The following ABCC11 variants were observed in gnomAD, a reference collection of about 807,000 sequenced individuals.
The protein encoded by ABCC11 is ATP binding cassette subfamily C member 11, also known as ATP-binding cassette sub-family C member 11.
Under a neutral mutation model 149.3 loss-of-function variants are expected in ABCC11, and 135 were observed. The ratio of observed to expected loss-of-function variants is 0.90; its 90% CI spans 0.79 to 1.04. The LOEUF (loss-of-function observed/expected upper bound fraction) is 1.04, where lower values mean the gene tolerates loss of function less well. ABCC11 is among the 50% of genes least tolerant of loss of function. ABCC11 has a pLI of 0.00. For missense variants in ABCC11, 1,680 were observed against 1,722.1 expected (o/e 0.98, Z 0.43); for synonymous variants, 665 against 671.4 (o/e 0.99, Z 0.15).
At position 48,166,541 on chromosome 16, in the gene ABCC11, T is replaced by C. The variant is rs1463855854; in HGVS notation, c.*733A>G. ...TTTTTCCAAAGTTAGTTTGAGGGAG[T>C]CTCTGTTCCTTGCAACTGAATAAGT... is the stretch of plus-strand genomic sequence containing the variant. On this transcript the variant is annotated 3_prime_UTR_variant, in exon 30 of 30. Coordinates refer to ENST00000356608, the MANE Select transcript of ABCC11 (RefSeq NM_001370497.1). 1.3e-5 allele frequency among the ~76,000 whole-genome samples: 2 copies of C among 151,480 alleles called. No individual in the cohort carries two copies. The highest frequency in any genetic ancestry group is 2.9e-5 in the Non-Finnish European group (2 of 67,904).
At chr16:48,237,994 G>GT (rs1245412241) in intron 1 of ABCC11, among the ~76,000 whole-genome samples, 1 of 152,110 alleles carries the variant, frequency 6.6e-6, no homozygotes. Flanking sequence ...CTTATTGTTT[G>GT]TTTTTCCCAC....
rs1735143469 is a variant in ABCC11, at chr16:48,167,219, A to G, written c.*55T>C. On this transcript the variant is annotated 3_prime_UTR_variant, in exon 30 of 30. Transcript: ENST00000356608. ...CGCAGACTGTGGGCCTCGAAGCTGC[A>G]CCTGTGTGAACCTCTGAGCTCAGCT... 3.9e-6 allele frequency: 3 copies of G among 762,474 alleles called. No individual in the cohort carries two copies. Among genetic ancestry groups the G allele is most frequent in the East Asian group, 2.5e-5 (1 of 39,802 alleles). The allele number at this position is 762,474 out of a possible 1,614,324, so 47.2% of individuals were successfully genotyped here.
At chr16:48,178,713 T>A (rs911351589) in intron 23 of ABCC11, 27 bp from the exon 24 acceptor site, 7 of 1,605,342 alleles carry the variant, frequency 4.4e-6, no homozygotes, top group African/African-American at 2.7e-5. Context: ...GTATCGGGGG[T>A]CAAGAGGCTG....
At chr16:48,237,265 C>T (rs966214546) in intron 1 of ABCC11, among the ~76,000 whole-genome samples, 1 of 152,164 alleles carries the variant, frequency 6.6e-6, no homozygotes, top group African/African-American at 2.4e-5. Flanking sequence ...AGGTAGGGCA[C>T]ATTGTACATA....
chr16:48,224,378 A>C lies in ABCC11; in HGVS notation c.447T>G (p.Ala149=), dbSNP rs773399232. ...EEVSRRGIEK[A]SVLLVMLRFQ... ...ACCTCAGCATCACCAGAAGCACTGA[A>C]GCTTTTTCAATCCCTCGCCTTGAGA... Residue 149 remains alanine (A), a synonymous_variant, in exon 5 of 30, where the codon GCT becomes GCG. Coordinates refer to ENST00000356608, the MANE Select transcript of ABCC11 (RefSeq NM_001370497.1). 1 of 1,614,192 alleles carries C rather than the reference A, an allele frequency of 6.2e-7. No homozygotes were observed. Among genetic ancestry groups the C allele is most frequent in the Non-Finnish European group, 8.5e-7 (1 of 1,180,032 alleles).
At chr16:48,202,133 C>T (rs748784754) in intron 14 of ABCC11, among the ~76,000 whole-genome samples, 10 of 152,156 alleles carry the variant, frequency 6.6e-5, no homozygotes, top group Admixed American at 1.3e-4. Flanking sequence ...AACACTTACT[C>T]TAGGCCGGGC....
chr16:48,212,541 A>C (rs1417900332), intron 10 of ABCC11, among the ~76,000 whole-genome samples: 1 of 152,218 alleles, frequency 6.6e-6, no homozygotes, highest in African/African-American at 2.4e-5. Context: ...CAGGTTGGAC[A>C]AGCTTGCTCT....
At chr16:48,241,177 C>T (rs546491585) in intron 1 of ABCC11, among the ~76,000 whole-genome samples, 1 of 152,332 alleles carries the variant, frequency 6.6e-6, no homozygotes, top group South Asian at 2.1e-4. Context: ...CTCAGATGAT[C>T]CACCCATCTC....
chr16:48,244,453 T>C, intron 1 of ABCC11: 1 of 1,595,738 alleles, frequency 6.3e-7, no homozygotes, highest in South Asian at 1.1e-5. Flanking sequence ...CACGAGGGCG[T>C]CCTGCTGCCC....
chr16:48,241,526 C>T (rs1970968673), intron 1 of ABCC11, among the ~76,000 whole-genome samples: 1 of 152,102 alleles, frequency 6.6e-6, no homozygotes, highest in Admixed American at 6.5e-5. Context: ...ACTTTCTTCA[C>T]AGAATTGGAA....
chr16:48,166,882 G>T lies in ABCC11; in HGVS notation c.*392C>A, dbSNP rs993645363. On this transcript the variant is annotated 3_prime_UTR_variant, in exon 30 of 30. Coordinates refer to ENST00000356608, the MANE Select transcript of ABCC11 (RefSeq NM_001370497.1). The stretch of plus-strand genomic sequence containing the variant: ...CCTGTCTAAAAAAACAAAAAGAAAA[G>T]AAACGAAAGGAAGCAGAACAAAGAA... 1 of 167,406 alleles carries T rather than the reference G, an allele frequency of 6.0e-6. No individual in the cohort carries two copies. Among genetic ancestry groups the T allele is most frequent in the Admixed American group, 5.9e-5 (1 of 16,918 alleles). 10.4% of individuals were successfully genotyped at this position (167,406 alleles called of 1,614,324 possible).
At chr16:48,243,931 G>A (rs887911186) in intron 1 of ABCC11, among the ~76,000 whole-genome samples, 2 of 152,160 alleles carry the variant, frequency 1.3e-5, no homozygotes, top group Non-Finnish European at 1.5e-5. Context: ...GGCAGAGGCT[G>A]CAAGCCGTGG....
chr16:48,184,368 G>A (rs1966625089), intron 23 of ABCC11, 72 bp downstream of exon 23: 15 of 1,536,826 alleles, frequency 9.8e-6, no homozygotes, highest in Admixed American at 1.8e-5. Flanking sequence ...AGGACCCCCT[G>A]AGTCTGCCCA....
intron 29 of ABCC11, 52 bp downstream of exon 29, chr16:48,167,444 G>A (rs1965403568): frequency 1.2e-6 from 2 of 1,611,120 alleles, no homozygotes; most frequent in Non-Finnish European, 1.7e-6. Flanking sequence ...AGGCATCTGG[G>A]GTAGCAGCCT....
At position 48,178,607 on chromosome 16, in the gene ABCC11, T is replaced by C. The variant is rs1176614708; in HGVS notation, c.3338A>G (p.Gln1113Arg). Residue 1113 changes from glutamine to arginine, a missense_variant, in exon 24 of 30, where the codon CAG (glutamine) becomes CGG (arginine). Physicochemically the swap from Gln to Arg is conservative, Grantham distance 43. Coordinates refer to ENST00000356608, the MANE Select transcript of ABCC11 (RefSeq NM_001370497.1). ...AQFTAVERIL[Q>R]YMKMCVSEAP... ...AGACCTGAACCCCACCTTCATGTAC[T>C]GCAGTATCCTCTCTACAGCCGTGAA... is the stretch of plus-strand genomic sequence containing the variant. 4.3e-6 allele frequency: 7 copies of C among 1,613,990 alleles called. No individual in the cohort carries two copies. Among genetic ancestry groups the C allele is most frequent in the Admixed American group, 3.3e-5 (2 of 59,990 alleles).
intron 26 of ABCC11, among the ~76,000 whole-genome samples, chr16:48,173,771 T>C (rs1374099403): frequency 6.6e-6 from 1 of 152,066 alleles, no homozygotes; most frequent in Non-Finnish European, 1.5e-5. Context: ...ATTACAGACA[T>C]GCACCACCAC....
intron 1 of ABCC11, among the ~76,000 whole-genome samples, chr16:48,237,083 T>C (rs188189096): frequency 6.4e-4 from 97 of 152,356 alleles, no homozygotes; most frequent in African/African-American, 2.3e-3. Flanking sequence ...TTTAAAAATA[T>C]ACCATAAAGT....
At chr16:48,172,165 A>G (rs1021334348) in intron 26 of ABCC11, among the ~76,000 whole-genome samples, 2 of 151,816 alleles carry the variant, frequency 1.3e-5, no homozygotes, top group Non-Finnish European at 2.9e-5. Flanking sequence ...GGCATCTTTC[A>G]CTTCGTGTCC....
chr16:48,204,529 G>T (rs1968268044), intron 13 of ABCC11, among the ~76,000 whole-genome samples: 1 of 152,188 alleles, frequency 6.6e-6, no homozygotes, highest in East Asian at 1.9e-4. Flanking sequence ...GCTTCCCGGG[G>T]TGCAAGGTTT....
Sources: gnomAD v4.1 joint callset for allele counts (sites outside exome capture counted in the v4.1 genomes callset) on GRCh38, gnomAD v4.1.1 for gene constraint, MANE v1.5 for transcripts, NCBI Gene and HGNC (gene_info 2026-07-23, HGNC 2026-07-21) for gene names.